Variants in EHD1 observed in about 807,000 individuals in gnomAD.
EHD1 encodes EH domain containing 1.
In EHD1, 19 loss-of-function variants were observed where a neutral mutation model predicts 39.0. The ratio of observed to expected loss-of-function variants is 0.49; its 90% CI spans 0.34 to 0.72. The LOEUF (loss-of-function observed/expected upper bound fraction) is 0.72. Among genes scored for constraint, EHD1 ranks in the 30% least tolerant of loss-of-function variants. EHD1 has a pLI of 0.01. For missense variants in EHD1, 542 were observed against 751.5 expected (o/e 0.72, Z 3.26); for synonymous variants, 323 against 331.2 (o/e 0.98, Z 0.27).
intron 1 of EHD1, among the ~76,000 whole-genome samples, chr11:64,877,459 CTT>C (rs1389548750): frequency 1.3e-5 from 2 of 152,184 alleles, no homozygotes; most frequent in Non-Finnish European, 2.9e-5. Context: ...GCACTGACCT[CTT>C]GAGAGCTGCC....
intron 1 of EHD1, 100 bp downstream of exon 1, chr11:64,877,961 A>C: frequency 7.8e-7 from 1 of 1,280,364 alleles, no homozygotes; most frequent in South Asian, 1.7e-5. Flanking sequence ...GGGGCCTCGG[A>C]GACAAAGGAC....
intron 2 of EHD1, among the ~76,000 whole-genome samples, chr11:64,871,587 G>T (rs1333004160): frequency 1.3e-5 from 2 of 152,246 alleles, no homozygotes; most frequent in African/African-American, 4.8e-5. Context: ...TGGAGGAAAA[G>T]AAATGGTCTA....
chr11:64,873,382 G>C (rs188066993), intron 2 of EHD1, among the ~76,000 whole-genome samples: 5 of 152,272 alleles, frequency 3.3e-5, no homozygotes, highest in African/African-American at 7.2e-5. Context: ...TATGGCTTTG[G>C]GGGGCAAAGG....
chr11:64,865,633 T>C (rs1225282816), intron 2 of EHD1, among the ~76,000 whole-genome samples: 1 of 152,182 alleles, frequency 6.6e-6, no homozygotes, highest in Non-Finnish European at 1.5e-5. Flanking sequence ...TAAGGGATCA[T>C]AAGCCACCAG....
rs1486903478 is a variant in EHD1, at chr11:64,878,325, G to GAGTGGAACTCGTGGAAGCGGT, written c.119_139dup (p.Tyr40_His46dup). On this transcript the variant is annotated inframe_insertion, in exon 1 of 5. Transcript: ENST00000320631. ...GAAGTCAGCGTCCTCCAGCGCGGGCGAGTGGAACTCGTGGAAGCGGTAGTG... is the reference window on the plus strand; with the variant it reads ...GAAGTCAGCGTCCTCCAGCGCGGGCGAGTGGAACTCGTGGAAGCGGTAGTGGAACTCGTGGAAGCGGTAGTG... The GAGTGGAACTCGTGGAAGCGGT allele has an allele frequency of 6.2e-7, 1 of 1,614,164 alleles. No homozygotes were observed.
At chr11:64,861,900 A>T (rs1009115289) in intron 2 of EHD1, among the ~76,000 whole-genome samples, 9 of 152,042 alleles carry the variant, frequency 5.9e-5, no homozygotes, top group East Asian at 1.9e-4. Flanking sequence ...TATTCTTTTT[A>T]AAAAAATTTT....
Position 64,878,243 on chromosome 11 carries a change from G to A in EHD1, c.222C>T (p.Phe74=). The A allele has an allele frequency of 3.1e-6, 5 of 1,613,968 alleles. No homozygotes were observed. The highest frequency in any genetic ancestry group is 4.2e-6 in the Non-Finnish European group (5 of 1,179,886). Residue 74 remains phenylalanine, a synonymous_variant, in exon 1 of 5, where the codon TTC becomes TTT. Transcript: ENST00000320631. ...AGTCCTGCTCGATCAGGTGTCGGAT[G>A]AAGGTGGTCTTGCCCGTGCTGTACT... ...VGQYSTGKTT[F]IRHLIEQDFP...
intron 2 of EHD1, among the ~76,000 whole-genome samples, chr11:64,870,908 A>C (rs1437332748): frequency 6.6e-6 from 1 of 152,202 alleles, no homozygotes; most frequent in African/African-American, 2.4e-5. Flanking sequence ...GCACACAGGC[A>C]AAGGCAGCCC....
intron 2 of EHD1, among the ~76,000 whole-genome samples, chr11:64,865,897 A>G (rs1943762161): frequency 1.3e-5 from 2 of 152,232 alleles, no homozygotes; most frequent in Admixed American, 6.5e-5. Flanking sequence ...GAACATTTAT[A>G]CGCTGCTGGT....
chr11:64,879,483 T>C, upstream of EHD1: 1 of 1,389,124 alleles, frequency 7.2e-7, no homozygotes, highest in South Asian at 1.3e-5. Flanking sequence ...AGAGGGGAAG[T>C]GTGGGGGCAA....
At position 64,858,236 on chromosome 11, in the gene EHD1, C is replaced by CGGTGGTGTGGG. The variant is rs1308316331; in HGVS notation, c.915+1687_915+1688insCCCACACCACC. 2.1e-5 allele frequency among the ~76,000 whole-genome samples: 3 copies of CGGTGGTGTGGG among 145,070 alleles called. No individual in the cohort carries two copies. In the East Asian group the frequency reaches 6.0e-4, roughly 29 times the overall value. On this transcript the variant is annotated intron_variant, in intron 3 of 4. Coordinates refer to ENST00000320631, the MANE Select transcript of EHD1 (RefSeq NM_006795.4). Reference sequence around the variant, plus strand: ...TTGCTCTGCCACCTGGGATGGAGTGCAGTGGTGTGATCTCAGCTCACTGCA... The same window carrying CGGTGGTGTGGG: ...TTGCTCTGCCACCTGGGATGGAGTGCGGTGGTGTGGGAGTGGTGTGATCTCAGCTCACTGCA...
intron 2 of EHD1, among the ~76,000 whole-genome samples, chr11:64,872,055 G>T (rs1473924954): frequency 2.0e-5 from 3 of 152,320 alleles, no homozygotes; most frequent in East Asian, 3.8e-4. Flanking sequence ...AGAGGGAGTG[G>T]GAGGTGGGGA....
chr11:64,871,761 A>C (rs1405704464), intron 2 of EHD1, among the ~76,000 whole-genome samples: 2 of 152,128 alleles, frequency 1.3e-5, no homozygotes, highest in African/African-American at 4.8e-5. Flanking sequence ...CAGAGGGGCC[A>C]CACTTTGCAC....
upstream of EHD1, chr11:64,879,226 G>T: frequency 9.1e-7 from 1 of 1,099,772 alleles, no homozygotes. Context: ...ATCCGGGGCG[G>T]GCTGGTGACT....
chr11:64,856,320 A>T (rs79914246), intron 3 of EHD1: 2,223 of 151,932 alleles, frequency 0.015, 47 homozygotes, highest in African/African-American at 0.05. Context: ...AGCCCACAGA[A>T]CTCCAATGGG....
chr11:64,878,457 C>A lies in EHD1; in HGVS notation c.8G>T (p.Ser3Ile). 1 of 1,604,466 alleles carries A rather than the reference C, an allele frequency of 6.2e-7. No individual in the cohort carries two copies. The highest frequency in any genetic ancestry group is 8.5e-7 in the Non-Finnish European group (1 of 1,175,540). ...GCGGCGGGCATCCTTGCTGACCCAGCTGAACATACTGCCGGACACGGGGCT... is the reference window on the plus strand; with the variant it reads ...GCGGCGGGCATCCTTGCTGACCCAGATGAACATACTGCCGGACACGGGGCT... MFSWVSKDARRKK... is the reference protein window; with the variant it reads MFIWVSKDARRKK... The change falls in exon 1 of 5, where the codon AGC (serine) becomes ATC (isoleucine). Residue 3 changes from serine (S) to isoleucine (I), a missense_variant. Transcript: ENST00000320631.
At chr11:64,871,358 AG>A (rs2136496523) in intron 2 of EHD1, among the ~76,000 whole-genome samples, 1 of 152,292 alleles carries the variant, frequency 6.6e-6, no homozygotes, top group African/African-American at 2.4e-5. Context: ...TCCGCTGGAC[AG>A]GCCACACGGG....
At chr11:64,863,089 T>C (rs947020078) in intron 2 of EHD1, among the ~76,000 whole-genome samples, 46 of 152,202 alleles carry the variant, frequency 3.0e-4, no homozygotes, top group African/African-American at 1.1e-3. Context: ...TTCCCACAGG[T>C]CCCAGGCCAC....
upstream of EHD1, chr11:64,878,958 C>G: frequency 9.9e-7 from 1 of 1,006,010 alleles, no homozygotes; most frequent in Non-Finnish European, 1.2e-6. Context: ...CCCCCCCACA[C>G]CCCCGCGGGA....
Sources: allele counts gnomAD v4.1 joint callset (sites outside exome capture counted in the v4.1 genomes callset), GRCh38; gene constraint gnomAD v4.1.1; transcripts MANE v1.5; gene names NCBI Gene and HGNC (gene_info 2026-07-23, HGNC 2026-07-21).